EFNA5: variants seen among roughly 807,000 people sequenced by gnomAD.
EFNA5 encodes ephrin-A5.
A neutral mutation model predicts 22.9 loss-of-function variants in EFNA5; 5 were observed. The observed-to-expected ratio is 0.22, with a 90% CI of 0.11 to 0.46. The LOEUF (loss-of-function observed/expected upper bound fraction) is 0.46. Ranked by LOEUF, EFNA5 falls within the 20% of genes least tolerant of loss-of-function variation. The probability of loss-of-function intolerance (pLI) is 0.99; values close to 1 mark genes in which losing one functional copy is unlikely to be tolerated. For synonymous variants in EFNA5, 113 were observed against 112.2 expected (o/e 1.01, Z -0.04); for missense variants, 237 against 293.3 (o/e 0.81, Z 1.40).
chr5:107,566,748 G>A (rs935449407), intron 1 of EFNA5, among the ~76,000 whole-genome samples: 2 of 152,168 alleles, frequency 1.3e-5, no homozygotes, highest in African/African-American at 4.8e-5. Context: ...CACTGCCTGC[G>A]ATACCATTTG....
intron 1 of EFNA5, among the ~76,000 whole-genome samples, chr5:107,428,522 T>TC (rs1237270039): frequency 6.6e-6 from 1 of 152,224 alleles, no homozygotes; most frequent in African/African-American, 2.4e-5. Flanking sequence ...GAACAGTATT[T>TC]CCCAAGACAC....
intron 1 of EFNA5, among the ~76,000 whole-genome samples, chr5:107,631,663 TATTAA>T (rs964063570): frequency 1.3e-5 from 2 of 152,146 alleles, no homozygotes. Context: ...ATTTATACCT[TATTAA>T]ATTATCTTTA....
intron 4 of EFNA5, among the ~76,000 whole-genome samples, chr5:107,385,255 G>A (rs181369282): frequency 9.2e-5 from 14 of 152,150 alleles, no homozygotes; most frequent in African/African-American, 2.2e-4. Context: ...GCATTGTATC[G>A]TTAGTGGAAT....
chr5:107,580,968 G>A (rs1749061354), intron 1 of EFNA5, among the ~76,000 whole-genome samples: 5 of 152,160 alleles, frequency 3.3e-5, no homozygotes, highest in Admixed American at 3.3e-4. Flanking sequence ...CCAGTACGTT[G>A]AGAATATGTT....
intron 1 of EFNA5, among the ~76,000 whole-genome samples, chr5:107,600,424 A>G (rs955120749): frequency 6.6e-6 from 1 of 152,102 alleles, no homozygotes; most frequent in South Asian, 2.1e-4. Flanking sequence ...AACCTAATAT[A>G]CTGTGGTAGC....
chr5:107,460,889 A>C (rs1749820961), intron 1 of EFNA5, among the ~76,000 whole-genome samples: 1 of 152,186 alleles, frequency 6.6e-6, no homozygotes, highest in Non-Finnish European at 1.5e-5. Flanking sequence ...CCTCCCCTTT[A>C]GAAGAATATC....
At chr5:107,394,555 T>A (rs1480784219) in intron 2 of EFNA5, among the ~76,000 whole-genome samples, 1 of 152,044 alleles carries the variant, frequency 6.6e-6, no homozygotes, top group Non-Finnish European at 1.5e-5. Flanking sequence ...AGAGTAAACT[T>A]CAGGACAAGG....
intron 1 of EFNA5, among the ~76,000 whole-genome samples, chr5:107,554,514 G>A (rs1748366345): frequency 6.6e-6 from 1 of 152,136 alleles, no homozygotes; most frequent in East Asian, 1.9e-4. Context: ...CCAATAATAA[G>A]TAATGGTGAG....
intron 1 of EFNA5, among the ~76,000 whole-genome samples, chr5:107,474,577 G>C (rs534288161): frequency 1.3e-5 from 2 of 152,036 alleles, no homozygotes; most frequent in East Asian, 3.9e-4. Context: ...TTTGCATTAC[G>C]AACGAGGAAT....
chr5:107,610,247 A>G (rs952536943), intron 1 of EFNA5, among the ~76,000 whole-genome samples: 1 of 152,234 alleles, frequency 6.6e-6, no homozygotes, highest in African/African-American at 2.4e-5. Flanking sequence ...TAAAGAATTC[A>G]GAGTTTTCCA....
At chr5:107,557,184 G>A (rs76882270) in intron 1 of EFNA5, among the ~76,000 whole-genome samples, 4,643 of 152,226 alleles carry the variant, frequency 0.031, 235 homozygotes, top group African/African-American at 0.1. Context: ...CGTATCTGTG[G>A]CTGTAAACAT....
At chr5:107,544,027 T>C (rs1748099190) in intron 1 of EFNA5, among the ~76,000 whole-genome samples, 1 of 152,164 alleles carries the variant, frequency 6.6e-6, no homozygotes, top group African/African-American at 2.4e-5. Context: ...AGAAGCAGCT[T>C]GTCAGGTGGG....
rs1397128500 is a variant in EFNA5 at position 107,500,706 on chromosome 5, C to T, written c.126-73197G>A. Among the ~76,000 whole-genome samples the T allele has an allele frequency of 3.3e-5, 5 of 152,204 alleles. No homozygotes were observed. In the East Asian group the frequency reaches 9.6e-4, roughly 29 times the overall value. The stretch of plus-strand genomic sequence containing the variant: ...AAGCACATGTCCCTTAAAAATTAGC[C>T]TGCTCTACCCTGACTGGAACATGAA... On this transcript the variant is annotated intron_variant, in intron 1 of 4. Coordinates refer to ENST00000333274, the MANE Select transcript of EFNA5 (RefSeq NM_001962.3).
intron 1 of EFNA5, among the ~76,000 whole-genome samples, chr5:107,457,600 C>T (rs1387800683): frequency 1.3e-5 from 2 of 152,018 alleles, no homozygotes; most frequent in Non-Finnish European, 2.9e-5. Context: ...TATTTTCAAT[C>T]CAAGGTTGGT....
chr5:107,498,955 A>T (rs62355580), intron 1 of EFNA5, among the ~76,000 whole-genome samples: 1 of 148,458 alleles, frequency 6.7e-6, no homozygotes, highest in African/African-American at 2.5e-5. Flanking sequence ...TATGTATATA[A>T]GTATGTATGT....
At chr5:107,541,867 T>A (rs1027947875) in intron 1 of EFNA5, among the ~76,000 whole-genome samples, 14 of 152,266 alleles carry the variant, frequency 9.2e-5, no homozygotes, top group African/African-American at 3.4e-4. Flanking sequence ...ATTCTCTCTG[T>A]TCTACCATCT....
At chr5:107,618,944 C>T (rs565553519) in intron 1 of EFNA5, among the ~76,000 whole-genome samples, 80 of 150,124 alleles carry the variant, frequency 5.3e-4, no homozygotes, top group African/African-American at 1.9e-3. Context: ...TATTTTGAGA[C>T]GGAGTCTTGC....
chr5:107,484,682 A>G (rs567371529), intron 1 of EFNA5, among the ~76,000 whole-genome samples: 2 of 152,216 alleles, frequency 1.3e-5, no homozygotes, highest in Non-Finnish European at 2.9e-5. Flanking sequence ...CTTCAGGCAA[A>G]TTAATTAAAT....
intron 1 of EFNA5, among the ~76,000 whole-genome samples, chr5:107,564,553 G>C (rs1332217843): frequency 6.6e-6 from 1 of 151,594 alleles, no homozygotes; most frequent in African/African-American, 2.4e-5. Context: ...ACAAATGTTT[G>C]TCAAGTGCCA....
Sources: gnomAD v4.1 joint callset for allele counts (sites outside exome capture counted in the v4.1 genomes callset) on GRCh38, gnomAD v4.1.1 for gene constraint, MANE v1.5 for transcripts, NCBI Gene and HGNC (gene_info 2026-07-23, HGNC 2026-07-21) for gene names.